Variants in UNC13C observed in about 807,000 individuals in gnomAD.
The protein encoded by UNC13C is protein unc-13 homolog C.
A neutral mutation model predicts 245.4 loss-of-function variants in UNC13C; 174 were observed. The ratio of observed to expected loss-of-function variants is 0.71; its 90% CI spans 0.63 to 0.80. The LOEUF (loss-of-function observed/expected upper bound fraction) is 0.80, where lower values mean the gene tolerates loss of function less well. Among genes scored for constraint, UNC13C ranks in the 30% least tolerant of loss-of-function variants. The pLI is 0.00. For synonymous variants in UNC13C, 992 were observed against 895.1 expected, an observed-to-expected ratio of 1.11 and a Z score of -1.93; for missense variants, 2,829 against 2,602.9, an observed-to-expected ratio of 1.09 and a Z score of -1.89.
At chr15:54,623,382 T>C (rs1900920226) in intron 31 of UNC13C, among the ~76,000 whole-genome samples, 1 of 152,162 alleles carries the variant, frequency 6.6e-6, no homozygotes, top group Non-Finnish European at 1.5e-5. Context: ...CACATTATAA[T>C]ATCATTTTGT....
At chr15:53,967,193 G>A in the UNC13C span, among the ~76,000 whole-genome samples, 6 of 151,832 alleles carry the variant, frequency 4.0e-5, no homozygotes, top group African/African-American at 1.4e-4. Context: ...TTTATGTCAT[G>A]TTTTCATTTT....
At chr15:54,085,279 C>T (rs548583421) in intron 2 of UNC13C, among the ~76,000 whole-genome samples, 3 of 152,174 alleles carry the variant, frequency 2.0e-5, no homozygotes, top group Non-Finnish European at 2.9e-5. Context: ...GTACATTTAC[C>T]GATTCTAGAA....
At chr15:54,495,021 C>T (rs1893887746) in intron 20 of UNC13C, among the ~76,000 whole-genome samples, 2 of 151,794 alleles carry the variant, frequency 1.3e-5, no homozygotes, top group African/African-American at 2.4e-5. Context: ...TGTAAAAATA[C>T]CAGAACACAG....
At chr15:53,969,633 C>T in the UNC13C span, among the ~76,000 whole-genome samples, 2 of 149,560 alleles carry the variant, frequency 1.3e-5, no homozygotes, top group African/African-American at 4.9e-5. Context: ...CTGCAGTGGG[C>T]CATGATTGTG....
At chr15:54,514,912 G>A (rs942030762) in intron 24 of UNC13C, among the ~76,000 whole-genome samples, 3 of 152,002 alleles carry the variant, frequency 2.0e-5, no homozygotes, top group Non-Finnish European at 4.4e-5. Context: ...TATCCTATGG[G>A]CCATGTCAGC....
intron 10 of UNC13C, among the ~76,000 whole-genome samples, chr15:54,285,490 T>C (rs1364614562): frequency 1.3e-5 from 2 of 152,188 alleles, no homozygotes; most frequent in African/African-American, 2.4e-5. Context: ...AATGTGAAAG[T>C]TGAGTGTCTT....
At chr15:54,256,990 A>G (rs973708132) in intron 8 of UNC13C, among the ~76,000 whole-genome samples, 1 of 152,196 alleles carries the variant, frequency 6.6e-6, no homozygotes, top group African/African-American at 2.4e-5. Flanking sequence ...GGAAAGAACA[A>G]TGTAGCCTAG....
At position 54,014,731 on chromosome 15, in the gene UNC13C, G is replaced by T; in HGVS notation, c.1828G>T (p.Val610Phe). 6.2e-7 allele frequency: 1 copy of T among 1,613,856 alleles called. No individual in the cohort carries two copies. Among genetic ancestry groups the T allele is most frequent in the Non-Finnish European group, 8.5e-7 (1 of 1,179,836 alleles). Residue 610 changes from valine to phenylalanine, a missense_variant, in exon 2 of 33, where the codon GTT becomes TTT. Val to Phe is a conservative substitution (Grantham distance 50). Coordinates refer to ENST00000260323, the MANE Select transcript of UNC13C (RefSeq NM_001080534.3). ...SPKDQHLNGG[V>F]QGIQGQTETE... ...CAAGGACCAGCATTTGAATGGAGGTGTTCAGGGTATCCAAGGGCAGACTGA... is the reference window on the plus strand; with the variant it reads ...CAAGGACCAGCATTTGAATGGAGGTTTTCAGGGTATCCAAGGGCAGACTGA...
intron 10 of UNC13C, among the ~76,000 whole-genome samples, chr15:54,274,413 T>C (rs2036773735): frequency 6.6e-6 from 1 of 152,178 alleles, no homozygotes; most frequent in Non-Finnish European, 1.5e-5. Context: ...AATCCTATCA[T>C]ATGTATAATA....
At position 54,291,319 on chromosome 15, in the gene UNC13C, T is replaced by G. The variant is rs557628811; in HGVS notation, c.3819-2576T>G. On this transcript the variant is annotated intron_variant, in intron 10 of 32. Coordinates refer to ENST00000260323, the MANE Select transcript of UNC13C (RefSeq NM_001080534.3). ...CTCCAGACACAATGTCATGGATTAA[T>G]TCTTCCTTTCTCCCCACAATTTCTA... Among the ~76,000 whole-genome samples the G allele has an allele frequency of 7.2e-5, 11 of 152,110 alleles. No homozygotes were observed. The South Asian group carries it at 1.7e-3, about 23-fold the overall frequency.
intron 30 of UNC13C, among the ~76,000 whole-genome samples, chr15:54,599,154 C>T (rs1229655055): frequency 2.0e-5 from 3 of 152,008 alleles, no homozygotes; most frequent in Non-Finnish European, 4.4e-5. Context: ...CCCATCTGGT[C>T]ACACATATAT....
chr15:54,131,844 CTA>C lies in UNC13C; in HGVS notation c.2984-11172_2984-11171del, dbSNP rs1372288799. Among the ~76,000 whole-genome samples the C allele has an allele frequency of 5.3e-5, 8 of 152,198 alleles. No individual in the cohort carries two copies. The East Asian group carries it at 1.6e-3, about 30-fold the overall frequency. On this transcript the variant is annotated intron_variant, in intron 2 of 32. Transcript: ENST00000260323. ...CTCCCATGTCTCAGTCCCTAACACT[CTA>C]TGCTCTTTCAAGCTTCAATGCCTTT...
At chr15:54,030,147 C>T (rs1896295452) in intron 2 of UNC13C, among the ~76,000 whole-genome samples, 2 of 152,248 alleles carry the variant, frequency 1.3e-5, no homozygotes, top group Non-Finnish European at 1.5e-5. Flanking sequence ...CTCCCTGCCC[C>T]TCTTCCTGCT....
rs34179914 is a variant in UNC13C, at chr15:54,332,305, C to CTGTGTGTGTGTGTGTG, written c.4494+212_4494+227dup. On this transcript the variant is annotated intron_variant, in intron 15 of 32. Coordinates refer to ENST00000260323, the MANE Select transcript of UNC13C (RefSeq NM_001080534.3). ...GCCCCACGTAGACTACAACAATACT[C>CTGTGTGTGTGTGTGTG]TGTGTGTGTGTGTGTGTGTGTGTGT... Among the ~76,000 whole-genome samples the CTGTGTGTGTGTGTGTG allele has an allele frequency of 4.1e-3, 599 of 145,662 alleles. 1 individual carries two copies. Among genetic ancestry groups the CTGTGTGTGTGTGTGTG allele is most frequent in the African/African-American group, 0.014 (566 of 39,152 alleles).
chr15:54,270,416 G>C (rs1376823220), intron 10 of UNC13C, among the ~76,000 whole-genome samples: 6 of 152,070 alleles, frequency 3.9e-5, no homozygotes, highest in Non-Finnish European at 8.8e-5. Context: ...TGTCTAATAT[G>C]AAAAATAGGG....
chr15:53,984,555 A>G (rs977299627), intron 1 of UNC13C, among the ~76,000 whole-genome samples: 1 of 152,190 alleles, frequency 6.6e-6, no homozygotes, highest in South Asian at 2.1e-4. Context: ...TAATGACACT[A>G]TAAAGACCAT....
At chr15:54,100,424 G>C (rs1900104205) in intron 2 of UNC13C, among the ~76,000 whole-genome samples, 1 of 152,062 alleles carries the variant, frequency 6.6e-6, no homozygotes, top group Non-Finnish European at 1.5e-5. Flanking sequence ...TACCTCACGG[G>C]CCATTCCTTT....
At chr15:54,449,877 C>G (rs935731133) in intron 19 of UNC13C, among the ~76,000 whole-genome samples, 2 of 152,162 alleles carry the variant, frequency 1.3e-5, no homozygotes, top group African/African-American at 4.8e-5. Context: ...AGTTTTTCTG[C>G]TCTGTTTTTT....
At chr15:53,900,139 A>G in the UNC13C span, among the ~76,000 whole-genome samples, 1 of 152,210 alleles carries the variant, frequency 6.6e-6, no homozygotes, top group African/African-American at 2.4e-5. Context: ...TAGTACATCT[A>G]TTTAATTCAA....
Sources: gnomAD v4.1 joint callset for allele counts (sites outside exome capture counted in the v4.1 genomes callset) on GRCh38, gnomAD v4.1.1 for gene constraint, MANE v1.5 for transcripts, NCBI Gene and HGNC (gene_info 2026-07-23, HGNC 2026-07-21) for gene names.